CPPED1: variants seen among roughly 807,000 people sequenced by gnomAD.
CPPED1 encodes serine/threonine-protein phosphatase CPPED1.
CPPED1 carries 28 observed loss-of-function variants against 28.0 expected under a neutral mutation model. That is an observed-to-expected ratio of 1.00 (90% CI 0.74 to 1.37). CPPED1 has a LOEUF of 1.37. CPPED1 is among the 40% of genes most tolerant of loss of function. CPPED1 has a pLI of 0.00. For synonymous variants in CPPED1, 198 were observed against 180.2 expected (o/e 1.10, Z -0.79); for missense variants, 504 against 416.5 (o/e 1.21, Z -1.83).
At chr16:12,746,378 A>AG (rs1232876651) in intron 2 of CPPED1, among the ~76,000 whole-genome samples, 1 of 151,784 alleles carries the variant, frequency 6.6e-6, no homozygotes, top group Non-Finnish European at 1.5e-5. Context: ...TGACTCAAAA[A>AG]AAAAAAAAAA....
At chr16:12,672,912 GC>G (rs2079859742) in intron 3 of CPPED1, among the ~76,000 whole-genome samples, 1 of 152,168 alleles carries the variant, frequency 6.6e-6, no homozygotes, top group African/African-American at 2.4e-5. Context: ...TACTTGGGAG[GC>G]TGAGGCATAA....
chr16:12,766,256 T>TATATATATATATATAG, intron 2 of CPPED1, among the ~76,000 whole-genome samples: 14 of 134,284 alleles, frequency 1.0e-4, no homozygotes, highest in African/African-American at 4.5e-4. Flanking sequence ...TATATATATA[T>TATATATATATATATAG]AGAGAGAGAG....
intron 1 of CPPED1, among the ~76,000 whole-genome samples, chr16:12,790,918 CAAAAAAAAAAAA>C (rs538022826): frequency 1.6e-5 from 1 of 63,290 alleles, no homozygotes; most frequent in Non-Finnish European, 3.6e-5. Context: ...GACTCTATCT[CAAAAAAAAAAAA>C]AAAAAAAAAA....
intron 2 of CPPED1, among the ~76,000 whole-genome samples, chr16:12,707,766 T>C (rs1398255531): frequency 4.6e-5 from 7 of 152,110 alleles, no homozygotes; most frequent in Admixed American, 4.6e-4. Flanking sequence ...CAAAGAGGGA[T>C]GCTGCTTTTG....
chr16:12,672,111 G>T (rs1310419126), intron 3 of CPPED1, among the ~76,000 whole-genome samples: 6 of 152,238 alleles, frequency 3.9e-5, no homozygotes, highest in African/African-American at 1.4e-4. Flanking sequence ...CTAGGTTTGT[G>T]TAAGGACACT....
At chr16:12,705,620 T>TGGGCAC (rs1203975077) in intron 2 of CPPED1, among the ~76,000 whole-genome samples, 2 of 152,108 alleles carry the variant, frequency 1.3e-5, no homozygotes, top group Non-Finnish European at 2.9e-5. Context: ...TAGCTGGGCA[T>TGGGCAC]GGGCACGGGC....
At chr16:12,765,151 C>A (rs1368053378) in intron 2 of CPPED1, among the ~76,000 whole-genome samples, 1 of 152,204 alleles carries the variant, frequency 6.6e-6, no homozygotes, top group Non-Finnish European at 1.5e-5. Context: ...GAGCCATAAT[C>A]CCTTCCATCT....
intron 1 of CPPED1, among the ~76,000 whole-genome samples, chr16:12,802,572 G>A (rs1039308532): frequency 6.6e-6 from 1 of 152,210 alleles, no homozygotes; most frequent in Non-Finnish European, 1.5e-5. Context: ...CTGCACTCCA[G>A]CCTGGGCAAT....
chr16:12,765,961 C>T (rs1276503652), intron 2 of CPPED1, among the ~76,000 whole-genome samples: 1 of 151,980 alleles, frequency 6.6e-6, no homozygotes, highest in African/African-American at 2.4e-5. Flanking sequence ...ATAGGCCCAT[C>T]AAGGAGGCAA....
intron 2 of CPPED1, among the ~76,000 whole-genome samples, chr16:12,745,192 A>G (rs982874870): frequency 2.0e-5 from 3 of 152,194 alleles, no homozygotes; most frequent in Non-Finnish European, 4.4e-5. Flanking sequence ...GGGGACAGAA[A>G]AAATACGTGA....
At chr16:12,779,269 A>G (rs1278761346) in intron 2 of CPPED1, among the ~76,000 whole-genome samples, 11 of 152,064 alleles carry the variant, frequency 7.2e-5, no homozygotes. Flanking sequence ...TGGAGGCTGG[A>G]GTGCAGTGGT....
Position 12,704,832 on chromosome 16 carries a change from C to T in CPPED1, c.507G>A (p.Glu169=). 1 of 1,614,212 alleles carries T rather than the reference C, an allele frequency of 6.2e-7. No homozygotes were observed. Among genetic ancestry groups the T allele is most frequent in the East Asian group, 2.2e-5 (1 of 44,890 alleles). The part of the protein sequence containing the change: ...LFLVLNSQFY[E]NPSKCPSLKQ... ...TCAGGCTGGGGCATTTGGAGGGGTT[C>T]TCGTAGAACTGGGAGTTGAGGACCA... Residue 169 remains glutamate (E), a synonymous_variant, in exon 3 of 4, where the codon GAG becomes GAA. Coordinates refer to ENST00000381774, the MANE Select transcript of CPPED1 (RefSeq NM_018340.3).
rs1326865078 is a variant in CPPED1 at position 12,770,931 on chromosome 16, A to C, written c.289+10254T>G. 2.0e-5 allele frequency among the ~76,000 whole-genome samples: 3 copies of C among 152,058 alleles called. No individual in the cohort carries two copies. In the East Asian group the frequency reaches 5.8e-4, roughly 29 times the overall value. ...GCTGGGAAAGGGTGAGCATGCTGAC[A>C]TTGATGCACACTTTTGACCACAGTG... On this transcript the variant is annotated intron_variant, in intron 2 of 3. Coordinates refer to ENST00000381774, the MANE Select transcript of CPPED1 (RefSeq NM_018340.3).
chr16:12,680,542 A>G (rs979366619), intron 3 of CPPED1, among the ~76,000 whole-genome samples: 4 of 152,206 alleles, frequency 2.6e-5, no homozygotes, highest in African/African-American at 4.8e-5. Context: ...CATAGTTACT[A>G]CAGCTTCTCA....
At chr16:12,766,292 G>A (rs965602572) in intron 2 of CPPED1, among the ~76,000 whole-genome samples, 12 of 146,496 alleles carry the variant, frequency 8.2e-5, no homozygotes, top group African/African-American at 2.6e-4. Context: ...GAGAGAGAGA[G>A]AAAGAGAGAG....
chr16:12,783,589 CA>C (rs1295503829), intron 1 of CPPED1, among the ~76,000 whole-genome samples: 2 of 152,042 alleles, frequency 1.3e-5, no homozygotes, highest in African/African-American at 4.8e-5. Context: ...ATCTAAATGG[CA>C]AGTAAGGGCC....
intron 2 of CPPED1, among the ~76,000 whole-genome samples, chr16:12,748,076 G>A (rs1421058638): frequency 6.6e-6 from 1 of 152,092 alleles, no homozygotes; most frequent in African/African-American, 2.4e-5. Flanking sequence ...ATACCATTTC[G>A]TAGACAAAAT....
At position 12,664,462 on chromosome 16, in the gene CPPED1, C is replaced by T. The variant is rs1055668616; in HGVS notation, c.*424G>A. ...TGCCTAGCGTTTTGGGAATCGTGAC[C>T]ACAATTTAATACAATCAGGTGTAGT... On this transcript the variant is annotated 3_prime_UTR_variant, in exon 4 of 4. Transcript: ENST00000381774. This position sits in a 1 kb window ranked among gnomAD's most constrained non-coding sequence, Gnocchi z 4.2. 3.0e-6 allele frequency: 3 copies of T among 1,007,946 alleles called. No homozygotes were observed. Among genetic ancestry groups the T allele is most frequent in the African/African-American group, 3.5e-5 (2 of 57,340 alleles). The allele number at this position is 1,007,946 out of a possible 1,614,324, so 62.4% of individuals were successfully genotyped here. A position where few individuals can be genotyped will look rare whatever the true frequency, so the allele number is the denominator to read the frequency against.
chr16:12,759,476 G>C (rs2080395301), intron 2 of CPPED1: 1 of 152,276 alleles, frequency 6.6e-6, no homozygotes, highest in South Asian at 2.1e-4. Context: ...AGAAAGCAGA[G>C]AGGCCATCAG....
Sources: allele counts gnomAD v4.1 joint callset (sites outside exome capture counted in the v4.1 genomes callset), GRCh38; gene constraint gnomAD v4.1.1; non-coding constraint Gnocchi (gnomAD v3.1); transcripts MANE v1.5; gene names NCBI Gene and HGNC (gene_info 2026-07-23, HGNC 2026-07-21).